Variants in DCDC1 observed in about 807,000 individuals in gnomAD.
DCDC1 encodes the protein doublecortin domain containing 1.
DCDC1 carries 200 observed loss-of-function variants against 178.3 expected under a neutral mutation model. That is an observed-to-expected ratio of 1.12 (90% CI 1.00 to 1.26). The LOEUF (loss-of-function observed/expected upper bound fraction) is 1.26. DCDC1 is among the 50% of genes most tolerant of loss of function. The pLI is 0.00. For missense variants in DCDC1, 1,983 were observed against 1,749.2 expected, an observed-to-expected ratio of 1.13 and a Z score of -2.38; for synonymous variants, 690 against 604.8, an observed-to-expected ratio of 1.14 and a Z score of -2.07.
chr11:31,215,660 G>A (rs958002573), intron 9 of DCDC1, among the ~76,000 whole-genome samples: 2 of 151,994 alleles, frequency 1.3e-5, no homozygotes, highest in African/African-American at 4.8e-5. Flanking sequence ...GGGCATGGTG[G>A]TGTGCGCCTA....
intron 9 of DCDC1, among the ~76,000 whole-genome samples, chr11:31,238,552 G>C (rs976775024): frequency 1.3e-5 from 2 of 152,004 alleles, no homozygotes; most frequent in African/African-American, 4.8e-5. Context: ...TTCCACAGCA[G>C]TGTTTGTCCC....
chr11:31,156,476 T>G (rs1456757573), intron 9 of DCDC1, among the ~76,000 whole-genome samples: 1 of 152,082 alleles, frequency 6.6e-6, no homozygotes, highest in Non-Finnish European at 1.5e-5. Flanking sequence ...AATTTTAAAT[T>G]ATCTAGTAGC....
At chr11:31,294,602 AG>A (rs1947471358) in intron 6 of DCDC1, among the ~76,000 whole-genome samples, 1 of 28,806 alleles carries the variant, frequency 3.5e-5, no homozygotes, top group Non-Finnish European at 7.1e-5. Context: ...AGGGATGGGG[AG>A]GGGAGGGGAG....
intron 9 of DCDC1, among the ~76,000 whole-genome samples, chr11:31,233,225 A>T (rs1022024080): frequency 2.6e-5 from 4 of 152,130 alleles, no homozygotes; most frequent in African/African-American, 9.7e-5. Flanking sequence ...CCTCACTTTC[A>T]TTCTATTCAT....
intron 37 of DCDC1, 69 bp downstream of exon 37, chr11:30,881,089 C>A: frequency 6.5e-7 from 1 of 1,543,702 alleles, no homozygotes. Flanking sequence ...GGGATATAAG[C>A]TCTTCCAAGA....
At chr11:30,962,066 TGACA>T (rs1215562682) in intron 20 of DCDC1, among the ~76,000 whole-genome samples, 1 of 152,074 alleles carries the variant, frequency 6.6e-6, no homozygotes, top group Non-Finnish European at 1.5e-5. Flanking sequence ...ATTTTGCAAC[TGACA>T]ATGAACATTA....
rs1047370392 is a variant in DCDC1, at chr11:30,865,211, T to A, written c.*162A>T. On this transcript the variant is annotated 3_prime_UTR_variant, in exon 39 of 39. Coordinates refer to ENST00000684477, the MANE Select transcript of DCDC1 (RefSeq NM_001387274.1). ...GATAAATTTTACGACTAATTTTTTT[T>A]AATAAACTATGCAGGATTGTTATTT... 2 of 152,194 alleles carry A rather than the reference T, an allele frequency of 1.3e-5. No individual in the cohort carries two copies. The highest frequency in any genetic ancestry group is 2.9e-5 in the Non-Finnish European group (2 of 68,028). 9.4% of individuals were successfully genotyped at this position (152,194 alleles called of 1,614,324 possible).
intron 20 of DCDC1, among the ~76,000 whole-genome samples, chr11:31,028,668 G>A (rs1179921744): frequency 6.6e-6 from 1 of 151,876 alleles, no homozygotes; most frequent in African/African-American, 2.4e-5. Flanking sequence ...AAACCTATTT[G>A]ATGTTTTTTT....
intron 9 of DCDC1, among the ~76,000 whole-genome samples, chr11:31,209,304 G>A (rs888196708): frequency 5.3e-5 from 8 of 152,178 alleles, no homozygotes; most frequent in African/African-American, 1.7e-4. Context: ...TAACATACCT[G>A]GCAAAGGCAG....
intron 21 of DCDC1, among the ~76,000 whole-genome samples, chr11:30,945,697 A>AATCTATCTATCTATCT (rs57930562): frequency 3.4e-5 from 5 of 146,630 alleles, no homozygotes; most frequent in South Asian, 2.2e-4. Flanking sequence ...CCATCTCAAA[A>AATCTATCTATCTATCT]ATCTATCTAT....
intron 27 of DCDC1, among the ~76,000 whole-genome samples, chr11:30,915,052 C>T (rs1475122423): frequency 2.0e-5 from 3 of 151,914 alleles, no homozygotes; most frequent in South Asian, 2.1e-4. Flanking sequence ...GTTTATACTG[C>T]GTGAGTGGAA....
intron 8 of DCDC1, among the ~76,000 whole-genome samples, chr11:31,251,891 T>G (rs1944064092): frequency 2.0e-5 from 3 of 152,034 alleles, no homozygotes. Context: ...GTGATTTGAG[T>G]GCAGAGTGGA....
At chr11:31,237,840 G>A (rs145992313) in intron 9 of DCDC1, among the ~76,000 whole-genome samples, 2 of 152,002 alleles carry the variant, frequency 1.3e-5, no homozygotes, top group Non-Finnish European at 2.9e-5. Context: ...TAAAAACTAG[G>A]AGTAGAATTA....
chr11:31,335,981 C>T (rs374909879), intron 1 of DCDC1, among the ~76,000 whole-genome samples: 7 of 152,288 alleles, frequency 4.6e-5, no homozygotes, highest in East Asian at 3.9e-4. Context: ...CATTCATTCA[C>T]GCATTATTCG....
At chr11:31,107,313 TACAC>T (rs972180320) in intron 12 of DCDC1, among the ~76,000 whole-genome samples, 1 of 152,176 alleles carries the variant, frequency 6.6e-6, no homozygotes, top group Non-Finnish European at 1.5e-5. Context: ...TTGTCTGAGC[TACAC>T]ATTTTGTTAG....
chr11:31,045,716 G>A (rs1954799254), intron 20 of DCDC1, among the ~76,000 whole-genome samples: 1 of 152,028 alleles, frequency 6.6e-6, no homozygotes, highest in South Asian at 2.1e-4. Flanking sequence ...AACCCGCCTA[G>A]ATAAGCTCAT....
At chr11:31,270,021 C>G (rs1366690001) in intron 7 of DCDC1, among the ~76,000 whole-genome samples, 2 of 152,138 alleles carry the variant, frequency 1.3e-5, no homozygotes, top group Non-Finnish European at 2.9e-5. Context: ...AGACAGAGAA[C>G]CTTGAAACCT....
intron 9 of DCDC1, among the ~76,000 whole-genome samples, chr11:31,213,645 G>A (rs528940891): frequency 5.3e-5 from 8 of 151,776 alleles, no homozygotes; most frequent in East Asian, 1.9e-4. Context: ...ACTTAAACCC[G>A]GGAGATGGAG....
chr11:31,205,760 C>T (rs1415079540), intron 9 of DCDC1, among the ~76,000 whole-genome samples: 2 of 152,014 alleles, frequency 1.3e-5, no homozygotes, highest in African/African-American at 4.8e-5. Flanking sequence ...ATTTAAGGTG[C>T]CCATTTTATT....
Sources: allele counts gnomAD v4.1 joint callset (sites outside exome capture counted in the v4.1 genomes callset), GRCh38; gene constraint gnomAD v4.1.1; transcripts MANE v1.5; gene names NCBI Gene and HGNC (gene_info 2026-07-23, HGNC 2026-07-21).